PSMA1: variants seen among roughly 807,000 people sequenced by gnomAD.
PSMA1 encodes proteasome subunit alpha type-1.
Under a neutral mutation model 38.4 loss-of-function variants are expected in PSMA1, and 3 were observed. The observed-to-expected ratio is 0.08, with a 90% CI of 0.04 to 0.20. PSMA1 has a LOEUF of 0.20. Ranked by LOEUF, PSMA1 falls within the 10% of genes least tolerant of loss-of-function variation. The pLI is 1.00. For synonymous variants in PSMA1, 101 were observed against 107.1 expected (o/e 0.94, Z 0.35); for missense variants, 227 against 325.3 (o/e 0.70, Z 2.32).
At chr11:14,601,647 T>C (rs932512782) in intron 2 of PSMA1, among the ~76,000 whole-genome samples, 12 of 152,186 alleles carry the variant, frequency 7.9e-5, no homozygotes, top group East Asian at 1.9e-4. Flanking sequence ...AAAATCAGGA[T>C]GTCATGGGCT....
intron 1 of PSMA1, among the ~76,000 whole-genome samples, chr11:14,622,828 G>A (rs1196606705): frequency 6.6e-6 from 1 of 152,212 alleles, no homozygotes; most frequent in Non-Finnish European, 1.5e-5. Flanking sequence ...AGGTGACAGT[G>A]GTGGGAAAAC....
intron 2 of PSMA1, among the ~76,000 whole-genome samples, chr11:14,532,904 T>A (rs1057232761): frequency 1.3e-5 from 2 of 150,576 alleles, no homozygotes; most frequent in African/African-American, 5.0e-5. Flanking sequence ...AAAAAAAAAT[T>A]TAAAAAAAAT....
intron 2 of PSMA1, among the ~76,000 whole-genome samples, chr11:14,580,144 A>C (rs1172267862): frequency 6.6e-6 from 1 of 152,146 alleles, no homozygotes. Context: ...TTGAGATCTC[A>C]TTGGCTGTCT....
intron 2 of PSMA1, among the ~76,000 whole-genome samples, chr11:14,558,765 G>A (rs1281060046): frequency 6.6e-6 from 1 of 152,236 alleles, no homozygotes; most frequent in African/African-American, 2.4e-5. Context: ...AGGGGGCTAG[G>A]TTGTGGTTTC....
Position 14,615,259 on chromosome 11 carries a change from G to A in PSMA1, c.-165-4108C>T, listed in dbSNP as rs142063818. Among the ~76,000 whole-genome samples the A allele has an allele frequency of 5.7e-4, 87 of 152,168 alleles. 1 individual carries two copies. Among genetic ancestry groups the A allele is most frequent in the African/African-American group, 2.0e-3 (81 of 41,522 alleles). ...ATCTTAAGAAAGTGTTAGTCCCTTC[G>A]CTTCTGTGCTGGGTTGTTCTTTGCT... On this transcript the variant is annotated intron_variant, in intron 1 of 10. Coordinates refer to the PSMA1 transcript ENST00000418988.
Position 14,505,038 on chromosome 11 carries a change from G to C in PSMA1, c.*154C>G. On this transcript the variant is annotated 3_prime_UTR_variant, in exon 10 of 10. Transcript: ENST00000396394. ...TATTCCATTATATAGGTTTCAGTGAGGTTGCTTGGAAAAAACTCACATCTG... is the reference window on the plus strand; with the variant it reads ...TATTCCATTATATAGGTTTCAGTGACGTTGCTTGGAAAAAACTCACATCTG... 1.4e-6 allele frequency: 1 copy of C among 696,836 alleles called. No individual in the cohort carries two copies. The highest frequency in any genetic ancestry group is 2.5e-5 in the East Asian group (1 of 40,118). 43.2% of individuals were successfully genotyped at this position (696,836 alleles called of 1,614,324 possible).
At chr11:14,584,347 C>T (rs1393049753) in intron 2 of PSMA1, among the ~76,000 whole-genome samples, 10 of 152,216 alleles carry the variant, frequency 6.6e-5, no homozygotes, top group South Asian at 4.1e-4. Flanking sequence ...TTTTAAACCA[C>T]GCTATTCGCA....
At chr11:14,620,279 G>T (rs1296418577) in intron 1 of PSMA1, among the ~76,000 whole-genome samples, 2 of 152,118 alleles carry the variant, frequency 1.3e-5, no homozygotes, top group African/African-American at 4.8e-5. Flanking sequence ...CAGGCTATTG[G>T]TCCATTTGAA....
At chr11:14,597,131 G>T (rs1412870471) in intron 2 of PSMA1, among the ~76,000 whole-genome samples, 1 of 152,180 alleles carries the variant, frequency 6.6e-6, no homozygotes, top group African/African-American at 2.4e-5. Context: ...TTGATGTGCT[G>T]CTGGATTCGG....
chr11:14,635,686 G>A (rs1351883607), intron 1 of PSMA1, among the ~76,000 whole-genome samples: 5 of 152,030 alleles, frequency 3.3e-5, no homozygotes, highest in East Asian at 1.9e-4. Flanking sequence ...TCTTACCATC[G>A]GAATCTTTTC....
At chr11:14,544,180 A>C (rs1463804880) in intron 2 of PSMA1, among the ~76,000 whole-genome samples, 1 of 152,072 alleles carries the variant, frequency 6.6e-6, no homozygotes, top group East Asian at 1.9e-4. Flanking sequence ...CAGGCGCACA[A>C]CACCAAGCCC....
chr11:14,607,963 T>C (rs1053896463), intron 2 of PSMA1, among the ~76,000 whole-genome samples: 5 of 152,110 alleles, frequency 3.3e-5, no homozygotes, highest in African/African-American at 4.8e-5. Context: ...CAGCAGGAAG[T>C]GTGAGCAGTG....
chr11:14,591,596 C>T (rs1191499643), intron 2 of PSMA1, among the ~76,000 whole-genome samples: 2 of 152,192 alleles, frequency 1.3e-5, no homozygotes, highest in Admixed American at 6.5e-5. Flanking sequence ...AATCAGCACC[C>T]TGTGTCTAGC....
intron 7 of PSMA1, 37 bp from the exon 8 acceptor site, chr11:14,510,988 A>C (rs1187016411): frequency 1.5e-6 from 2 of 1,347,876 alleles, no homozygotes; most frequent in Non-Finnish European, 2.1e-6. Context: ...TCTTAATTTC[A>C]TTGTTATGCT....
chr11:14,516,209 CAAA>C (rs35003395), intron 4 of PSMA1, among the ~76,000 whole-genome samples: 4 of 143,460 alleles, frequency 2.8e-5, no homozygotes, highest in Non-Finnish European at 3.1e-5. Flanking sequence ...GACTCCGTCT[CAAA>C]AAAAAAAAAA....
At chr11:14,614,619 C>T (rs1005693748) in intron 1 of PSMA1, among the ~76,000 whole-genome samples, 1 of 152,146 alleles carries the variant, frequency 6.6e-6, no homozygotes, top group African/African-American at 2.4e-5. Flanking sequence ...GTACCACCAT[C>T]GATCTAGTTT....
At chr11:14,611,314 A>T (rs1228986948) in intron 1 of PSMA1, among the ~76,000 whole-genome samples, 1 of 152,148 alleles carries the variant, frequency 6.6e-6, no homozygotes, top group Non-Finnish European at 1.5e-5. Flanking sequence ...ACGTGGAGGG[A>T]AATATCAAAA....
In PSMA1 at chr11:14,571,747, G is replaced by C. The variant is rs144829263; in HGVS notation, c.21+39219C>G. On this transcript the variant is annotated intron_variant, in intron 2 of 10. Transcript: ENST00000418988. ...TTGGATAAAGAGTCAAGACCCATCA[G>C]TGTGCTGTATTCAGGAGACCTATCT... Among the ~76,000 whole-genome samples, 1,291 of 152,300 alleles carry C rather than the reference G, an allele frequency of 8.5e-3. 11 individuals carry two copies. Among genetic ancestry groups the C allele is most frequent in the Non-Finnish European group, 0.014 (932 of 68,032 alleles).
intron 2 of PSMA1, among the ~76,000 whole-genome samples, chr11:14,604,352 G>A (rs749188255): frequency 5.9e-5 from 9 of 152,120 alleles, no homozygotes; most frequent in Non-Finnish European, 7.4e-5. Context: ...GTGAGCCACT[G>A]TGCCCAGCCT....
Sources: allele counts gnomAD v4.1 joint callset (sites outside exome capture counted in the v4.1 genomes callset), GRCh38; gene constraint gnomAD v4.1.1; transcripts MANE v1.5; gene names NCBI Gene and HGNC (gene_info 2026-07-23, HGNC 2026-07-21).